The following PRRC2B variants were observed in gnomAD, a reference collection of about 807,000 sequenced individuals.
PRRC2B encodes the protein proline rich coiled-coil 2B.
PRRC2B carries 68 observed loss-of-function variants against 242.3 expected under a neutral mutation model. The observed-to-expected ratio is 0.28, with a 90% CI of 0.23 to 0.34. The LOEUF is 0.34. PRRC2B is among the 10% of genes least tolerant of loss of function. The pLI, the probability that PRRC2B is intolerant of heterozygous loss-of-function variation, is 1.00. For synonymous variants in PRRC2B, 1,228 were observed against 1,173.6 expected (o/e 1.05, Z -0.95); for missense variants, 2,835 against 2,954.8 (o/e 0.96, Z 0.94).
chr9:131,442,146 T>G (rs115068995), intron 5 of PRRC2B, among the ~76,000 whole-genome samples: 1,546 of 151,964 alleles, frequency 0.01, 31 homozygotes, highest in African/African-American at 0.035. Context: ...TTGTTTGTTT[T>G]TTTTTAGGCA....
intron 14 of PRRC2B, among the ~76,000 whole-genome samples, chr9:131,471,569 CT>C (rs962993823): frequency 2.0e-5 from 3 of 152,138 alleles, no homozygotes; most frequent in African/African-American, 7.2e-5. Flanking sequence ...GATAGTAAGT[CT>C]TTTAGGCCTT....
At chr9:131,455,921 T>C (rs1943061133) in intron 10 of PRRC2B, among the ~76,000 whole-genome samples, 1 of 152,084 alleles carries the variant, frequency 6.6e-6, no homozygotes, top group Non-Finnish European at 1.5e-5. Flanking sequence ...GAGACCAGCC[T>C]GCCCAAGATG....
At chr9:131,480,519 C>T (rs1943827635) in intron 19 of PRRC2B, among the ~76,000 whole-genome samples, 1 of 152,118 alleles carries the variant, frequency 6.6e-6, no homozygotes, top group Non-Finnish European at 1.5e-5. Flanking sequence ...AGATCTTTTA[C>T]TCCAGAATTC....
At chr9:131,413,291 A>G (rs1008695220) in intron 1 of PRRC2B, among the ~76,000 whole-genome samples, 2 of 152,264 alleles carry the variant, frequency 1.3e-5, no homozygotes, top group Admixed American at 6.5e-5. Flanking sequence ...TTCCTAGCCA[A>G]TCGGGACAGA....
intron 1 of PRRC2B, among the ~76,000 whole-genome samples, chr9:131,401,880 C>T (rs571631610): frequency 1.3e-5 from 2 of 151,882 alleles, no homozygotes; most frequent in South Asian, 2.1e-4. Flanking sequence ...AGGCTGGTCT[C>T]GAACCCCTGA....
chr9:131,433,488 A>C (rs2994051), intron 3 of PRRC2B, among the ~76,000 whole-genome samples: 1 of 152,184 alleles, frequency 6.6e-6, no homozygotes, highest in Admixed American at 6.5e-5. Flanking sequence ...GCCCACTTGG[A>C]TGGCTGCACC....
chr9:131,420,623 G>A (rs1046644674), intron 1 of PRRC2B, among the ~76,000 whole-genome samples: 1 of 149,340 alleles, frequency 6.7e-6, no homozygotes, highest in African/African-American at 2.5e-5. Flanking sequence ...CTGAGTAGCT[G>A]GGATTACAGG....
Position 131,436,707 on chromosome 9 carries a change from G to C in PRRC2B, c.381G>C (p.Gln127His). The C allele has an allele frequency of 6.2e-7, 1 of 1,613,966 alleles. No individual in the cohort carries two copies. Among genetic ancestry groups the C allele is most frequent in the African/African-American group, 1.3e-5 (1 of 75,066 alleles). Residue 127 changes from glutamine (Q) to histidine (H), a missense_variant, in exon 4 of 32, where the codon CAG becomes CAC. This residue lies in a region of PRRC2B where 626 missense variants were observed against 685.5 expected (regional missense o/e 0.91). Transcript: ENST00000683519. The stretch of plus-strand genomic sequence containing the variant: ...TCTCCAATTTGCAGAAACCGACACA[G>C]TCAATCAGTCAGGAGGTAGGTGCTG... Reference protein sequence around the residue: ...KSVSNLQKPTQSISQENTNSV... With the variant: ...KSVSNLQKPTHSISQENTNSV...
Position 131,436,621 on chromosome 9 carries a change from TC to T in PRRC2B, c.297del (p.Ser100ValfsTer48). Reference sequence around the variant, plus strand: ...CCCCACTGCCCTGCCTTTGTCTAGTTCCAGTGCGACGGCCTCTCAGCCGCCG... The same window carrying T: ...CCCCACTGCCCTGCCTTTGTCTAGTTCAGTGCGACGGCCTCTCAGCCGCCG... ...NKQDQQDPKS[S>X]SATASQPPES... On this transcript the variant is annotated frameshift_variant and splice_region_variant, in exon 4 of 32. Coordinates refer to ENST00000683519, the MANE Select transcript of PRRC2B (RefSeq NM_013318.4). LOFTEE classifies it high-confidence loss of function. 6.2e-7 allele frequency: 1 copy of T among 1,613,174 alleles called. No homozygotes were observed. The highest frequency in any genetic ancestry group is 1.1e-5 in the South Asian group (1 of 90,988).
chr9:131,377,001 G>A (rs1018982593), intron 1 of PRRC2B, among the ~76,000 whole-genome samples: 20 of 152,086 alleles, frequency 1.3e-4, no homozygotes, highest in African/African-American at 4.6e-4. Context: ...AGCAAGACCC[G>A]GTCCGTTGAA....
intron 11 of PRRC2B, among the ~76,000 whole-genome samples, chr9:131,461,656 C>A (rs1337148209): frequency 6.6e-6 from 1 of 152,222 alleles, no homozygotes; most frequent in Non-Finnish European, 1.5e-5. Flanking sequence ...ATTCTCCTGC[C>A]TCAGCCTCCC....
chr9:131,376,929 C>T (rs151021505), intron 1 of PRRC2B, among the ~76,000 whole-genome samples: 99 of 152,076 alleles, frequency 6.5e-4, no homozygotes, highest in African/African-American at 2.2e-3. Context: ...ATGGCTTGAG[C>T]GCAGGAGTTT....
At chr9:131,378,774 C>T (rs923952658) in intron 1 of PRRC2B, among the ~76,000 whole-genome samples, 2 of 152,162 alleles carry the variant, frequency 1.3e-5, no homozygotes, top group Non-Finnish European at 2.9e-5. Flanking sequence ...GGCTGAAGTG[C>T]AGTGGTGTGA....
Position 131,398,133 on chromosome 9 carries a change from A to G in PRRC2B, c.-52+3870A>G, listed in dbSNP as rs1233017615. The stretch of plus-strand genomic sequence containing the variant: ...AATAGAATTGTTTGTCATTAGCTTT[A>G]GGTTTAAAAGGTGCCATTCAGACTG... On this transcript the variant is annotated intron_variant, in intron 1 of 31. Coordinates refer to ENST00000683519, the MANE Select transcript of PRRC2B (RefSeq NM_013318.4). Among the ~76,000 whole-genome samples, 3 of 152,216 alleles carry G rather than the reference A, an allele frequency of 2.0e-5. No homozygotes were observed. In the East Asian group the frequency reaches 5.8e-4, roughly 29 times the overall value.
intron 30 of PRRC2B, among the ~76,000 whole-genome samples, chr9:131,493,972 C>G (rs1397424763): frequency 6.6e-6 from 1 of 152,238 alleles, no homozygotes; most frequent in Non-Finnish European, 1.5e-5. Context: ...TCCCCCATCC[C>G]CTTTTCTGAA....
chr9:131,496,018 G>A lies in PRRC2B; in HGVS notation c.*144G>A, dbSNP rs1944325285. On this transcript the variant is annotated 3_prime_UTR_variant, in exon 32 of 32. Coordinates refer to ENST00000683519, the MANE Select transcript of PRRC2B (RefSeq NM_013318.4). Reference sequence around the variant, plus strand: ...AGAGACCTCCCTCCTCTCCACTCCCGAAAGCTCCGTTGTCAACCAGCTTGC... The same window carrying A: ...AGAGACCTCCCTCCTCTCCACTCCCAAAAGCTCCGTTGTCAACCAGCTTGC... 8.7e-6 allele frequency: 10 copies of A among 1,145,884 alleles called. No homozygotes were observed. The highest frequency in any genetic ancestry group is 1.6e-5 in the South Asian group (1 of 63,826). 71.0% of individuals were successfully genotyped at this position (1,145,884 alleles called of 1,614,324 possible).
At chr9:131,423,425 C>G (rs573702539) in intron 1 of PRRC2B, among the ~76,000 whole-genome samples, 3 of 152,290 alleles carry the variant, frequency 2.0e-5, no homozygotes, top group South Asian at 4.1e-4. Context: ...GTATTTGAAG[C>G]CTGGTAAAGC....
At chr9:131,462,836 TAAA>T (rs553444971) in intron 11 of PRRC2B, among the ~76,000 whole-genome samples, 1 of 81,936 alleles carries the variant, frequency 1.2e-5, no homozygotes. Flanking sequence ...AGACTCCGTC[TAAA>T]AAAAAAAAAA....
intron 28 of PRRC2B, chr9:131,490,857 A>G (rs780727912): frequency 5.7e-5 from 18 of 313,976 alleles, no homozygotes; most frequent in African/African-American, 3.7e-4. Context: ...TGGCTTCGCC[A>G]TTACTTCTGA....
Sources: allele counts gnomAD v4.1 joint callset (sites outside exome capture counted in the v4.1 genomes callset), GRCh38; gene constraint gnomAD v4.1.1; regional missense constraint gnomAD v4.1.1; transcripts MANE v1.5; gene names NCBI Gene and HGNC (gene_info 2026-07-23, HGNC 2026-07-21).